BMPR2: variants seen among roughly 807,000 people sequenced by gnomAD.
BMPR2 encodes the protein bone morphogenetic protein receptor type 2.
A neutral mutation model predicts 100.8 loss-of-function variants in BMPR2; 29 were observed. The ratio of observed to expected loss-of-function variants is 0.29; its 90% CI spans 0.21 to 0.39. The LOEUF (loss-of-function observed/expected upper bound fraction) is 0.39. BMPR2 is among the 10% of genes least tolerant of loss of function. The pLI is 1.00. For missense variants in BMPR2, 1,011 were observed against 1,274.5 expected (o/e 0.79, Z 3.15); for synonymous variants, 382 against 442.3 (o/e 0.86, Z 1.71).
chr2:202,553,996 A>C (rs1688523390), intron 11 of BMPR2, among the ~76,000 whole-genome samples: 2 of 152,230 alleles, frequency 1.3e-5, no homozygotes, highest in East Asian at 1.9e-4. Flanking sequence ...TGCCCGGCCT[A>C]TTTTCTGTTC....
intron 1 of BMPR2, among the ~76,000 whole-genome samples, chr2:202,413,144 A>G (rs1574435060): frequency 6.6e-6 from 1 of 152,322 alleles, no homozygotes; most frequent in East Asian, 1.9e-4. Flanking sequence ...TTCTTGTTTC[A>G]GGTCTCATGC....
At chr2:202,398,608 G>A (rs1690700016) in intron 1 of BMPR2, among the ~76,000 whole-genome samples, 1 of 152,200 alleles carries the variant, frequency 6.6e-6, no homozygotes, top group Non-Finnish European at 1.5e-5. Flanking sequence ...ATTAACTGCT[G>A]AGTTTTGAAT....
rs1688714911 is a variant in BMPR2, at chr2:202,563,960, T to G, written c.*4014T>G. The stretch of plus-strand genomic sequence containing the variant: ...TCCACTTGTTCCAGAAAATGTGCAT[T>G]GGTTCTGAATGTGAAAATATTTAAA... On this transcript the variant is annotated 3_prime_UTR_variant, in exon 13 of 13. Transcript: ENST00000374580. The G allele has an allele frequency of 6.6e-6, 1 of 152,226 alleles. No homozygotes were observed. Among genetic ancestry groups the G allele is most frequent in the Non-Finnish European group, 1.5e-5 (1 of 68,032 alleles). The allele number at this position is 152,226 out of a possible 1,614,324, so 9.4% of individuals were successfully genotyped here.
intron 5 of BMPR2, among the ~76,000 whole-genome samples, chr2:202,515,417 C>T (rs1687694700): frequency 6.6e-6 from 1 of 150,500 alleles, no homozygotes; most frequent in East Asian, 2.0e-4. Context: ...GCTAAAAATA[C>T]AAAATTAGCC....
chr2:202,456,622 C>A (rs970848018), intron 1 of BMPR2, among the ~76,000 whole-genome samples: 1 of 149,976 alleles, frequency 6.7e-6, no homozygotes, highest in African/African-American at 2.5e-5. Flanking sequence ...TCAAGCAATT[C>A]TTCTGCCTCA....
At chr2:202,542,270 T>A (rs1288510356) in intron 9 of BMPR2, 41 bp from the exon 10 acceptor site, 10 of 1,608,870 alleles carry the variant, frequency 6.2e-6, no homozygotes, top group Non-Finnish European at 7.7e-6. Context: ...TTTATGATAG[T>A]TAGAAATTTT....
At chr2:202,447,534 A>G (rs1462391971) in intron 1 of BMPR2, among the ~76,000 whole-genome samples, 1 of 150,436 alleles carries the variant, frequency 6.6e-6, no homozygotes. Flanking sequence ...TTAAAATACT[A>G]GACAGGCATG....
chr2:202,540,693 CTT>C (rs762303294), intron 9 of BMPR2, among the ~76,000 whole-genome samples: 8 of 152,210 alleles, frequency 5.3e-5, no homozygotes, highest in Middle Eastern at 3.4e-3. Context: ...GTCATTATAA[CTT>C]TGTATTATCT....
chr2:202,453,299 G>T (rs1228759481), intron 1 of BMPR2, among the ~76,000 whole-genome samples: 1 of 150,466 alleles, frequency 6.6e-6, no homozygotes, highest in Non-Finnish European at 1.5e-5. Flanking sequence ...ATAATTTTTA[G>T]TAATACTAAG....
intron 1 of BMPR2, among the ~76,000 whole-genome samples, chr2:202,428,972 G>A: frequency 6.6e-6 from 1 of 152,062 alleles, no homozygotes; most frequent in East Asian, 1.9e-4. Flanking sequence ...TTTTGGGGTG[G>A]GTCCACAGAG....
At chr2:202,523,189 C>G (rs557539470) in intron 7 of BMPR2, among the ~76,000 whole-genome samples, 1 of 152,306 alleles carries the variant, frequency 6.6e-6, no homozygotes, top group East Asian at 1.9e-4. Flanking sequence ...GATATACTAT[C>G]TTACAACAGT....
In BMPR2 at chr2:202,555,730, TCTCTTA is replaced by T; in HGVS notation, c.2066_2071del (p.Ser689_Lys691delinsTer). The T allele has an allele frequency of 6.2e-7, 1 of 1,614,154 alleles. No individual in the cohort carries two copies. The highest frequency in any genetic ancestry group is 8.5e-7 in the Non-Finnish European group (1 of 1,180,036). On this transcript the variant is annotated stop_gained and inframe_deletion, in exon 12 of 13. Coordinates refer to ENST00000374580, the MANE Select transcript of BMPR2 (RefSeq NM_001204.7). LOFTEE classifies it high-confidence loss of function. ...CTCTGATGAGAATCTCATGGAGCAC[TCTCTTA>T]AACAGTTCAGTGGCCCAGACCCACT...
intron 3 of BMPR2, among the ~76,000 whole-genome samples, chr2:202,469,073 G>A (rs1692381319): frequency 6.6e-6 from 1 of 151,890 alleles, no homozygotes; most frequent in South Asian, 2.1e-4. Context: ...TCTTGTTGCC[G>A]AGGCTGGAGT....
At chr2:202,420,967 A>C (rs1056539019) in intron 1 of BMPR2, among the ~76,000 whole-genome samples, 7 of 151,750 alleles carry the variant, frequency 4.6e-5, no homozygotes, top group African/African-American at 1.7e-4. Flanking sequence ...AGAGAAATTG[A>C]GGCCAGCCAT....
At chr2:202,535,289 G>A (rs1229177194) in intron 9 of BMPR2, among the ~76,000 whole-genome samples, 4 of 151,422 alleles carry the variant, frequency 2.6e-5, no homozygotes, top group African/African-American at 9.8e-5. Context: ...CTTCTCAGAC[G>A]GGGCGGCTGC....
intron 3 of BMPR2, among the ~76,000 whole-genome samples, chr2:202,510,369 A>C (rs146101716): frequency 1.2e-3 from 184 of 152,332 alleles, no homozygotes; most frequent in African/African-American, 4.0e-3. Flanking sequence ...GTGAGCTGAG[A>C]TCGTACATCT....
At chr2:202,530,599 A>G (rs1688003377) in intron 7 of BMPR2, among the ~76,000 whole-genome samples, 195 bp from the exon 8 acceptor site, 1 of 152,194 alleles carries the variant, frequency 6.6e-6, no homozygotes, top group Non-Finnish European at 1.5e-5. Flanking sequence ...GTTTAACTAT[A>G]CATGCAACAG....
At chr2:202,505,743 A>T (rs1267191839) in intron 3 of BMPR2, among the ~76,000 whole-genome samples, 1 of 152,228 alleles carries the variant, frequency 6.6e-6, no homozygotes, top group Non-Finnish European at 1.5e-5. Flanking sequence ...ATTTGTCCAC[A>T]GTGGCTAAAG....
intron 3 of BMPR2, among the ~76,000 whole-genome samples, chr2:202,482,962 A>G (rs895145710): frequency 6.6e-6 from 1 of 151,982 alleles, no homozygotes; most frequent in African/African-American, 2.4e-5. Flanking sequence ...GGCGTGAACC[A>G]CTACGCCTGG....
Sources: gnomAD v4.1 joint callset for allele counts (sites outside exome capture counted in the v4.1 genomes callset) on GRCh38, gnomAD v4.1.1 for gene constraint, MANE v1.5 for transcripts, NCBI Gene and HGNC (gene_info 2026-07-23, HGNC 2026-07-21) for gene names.